Variants in CLPB observed in about 807,000 individuals in gnomAD.
The protein encoded by CLPB is ClpB family mitochondrial disaggregase.
Under a neutral mutation model 78.4 loss-of-function variants are expected in CLPB, and 40 were observed. That is an observed-to-expected ratio of 0.51 (90% CI 0.40 to 0.66). The LOEUF (loss-of-function observed/expected upper bound fraction) is 0.66. Among genes scored for constraint, CLPB ranks in the 30% least tolerant of loss-of-function variants. The pLI, the probability that CLPB is intolerant of heterozygous loss-of-function variation, is 0.00. For missense variants in CLPB, 780 were observed against 886.9 expected (o/e 0.88, Z 1.53); for synonymous variants, 333 against 348.0 (o/e 0.96, Z 0.48).
chr11:72,427,379 A>G (rs1159354032), intron 2 of CLPB, among the ~76,000 whole-genome samples: 1 of 152,194 alleles, frequency 6.6e-6, no homozygotes, highest in Admixed American at 6.5e-5. Flanking sequence ...AAATACTGAT[A>G]TTATTGACCA....
intron 7 of CLPB, among the ~76,000 whole-genome samples, chr11:72,315,197 A>G (rs537645950): frequency 8.5e-5 from 13 of 152,260 alleles, no homozygotes; most frequent in African/African-American, 3.1e-4. Flanking sequence ...AGACCAGTGA[A>G]TGTGGTCTCT....
chr11:72,301,766 G>C (rs1179084330), intron 11 of CLPB, 37 bp downstream of exon 11: 3 of 1,599,006 alleles, frequency 1.9e-6, no homozygotes, highest in Middle Eastern at 3.7e-4. Flanking sequence ...TTATCTCCAG[G>C]TGTCCCCCCG....
At chr11:72,347,989 G>T (rs996617051) in intron 5 of CLPB, among the ~76,000 whole-genome samples, 2 of 152,238 alleles carry the variant, frequency 1.3e-5, no homozygotes, top group Non-Finnish European at 2.9e-5. Context: ...GGGAAAGACA[G>T]GAAAGATTCT....
At chr11:72,365,776 T>G (rs1228789538) in intron 4 of CLPB, among the ~76,000 whole-genome samples, 3 of 152,126 alleles carry the variant, frequency 2.0e-5, no homozygotes, top group Non-Finnish European at 4.4e-5. Flanking sequence ...CAACTGATCT[T>G]CAACAAGGTC....
chr11:72,338,453 C>T (rs879895955), intron 5 of CLPB, among the ~76,000 whole-genome samples: 3 of 152,188 alleles, frequency 2.0e-5, no homozygotes, highest in African/African-American at 7.2e-5. Context: ...CTCTTTCCAC[C>T]TACACTGTCT....
intron 5 of CLPB, among the ~76,000 whole-genome samples, chr11:72,341,544 G>T (rs1035754371): frequency 6.6e-6 from 1 of 152,248 alleles, no homozygotes; most frequent in Non-Finnish European, 1.5e-5. Flanking sequence ...GATCTTGAAG[G>T]CTAAGTAGGA....
intron 4 of CLPB, chr11:72,359,212 T>C (rs1201933880): frequency 2.8e-6 from 2 of 723,052 alleles, no homozygotes; most frequent in Non-Finnish European, 4.9e-6. Flanking sequence ...TTTACTGACA[T>C]CTGTTATGTG....
At chr11:72,317,034 C>T in intron 7 of CLPB, 72 bp downstream of exon 7, 2 of 969,364 alleles carry the variant, frequency 2.1e-6, no homozygotes, top group Non-Finnish European at 3.1e-6. Flanking sequence ...CAGCGCCTAT[C>T]CAGTTTGGTG....
intron 2 of CLPB, among the ~76,000 whole-genome samples, chr11:72,414,745 G>C (rs1855972213): frequency 6.6e-6 from 1 of 152,210 alleles, no homozygotes; most frequent in Non-Finnish European, 1.5e-5. Flanking sequence ...GGTGCTCAGA[G>C]ATGTTTACAC....
chr11:72,364,362 C>A (rs546315215), intron 4 of CLPB, among the ~76,000 whole-genome samples: 2 of 152,018 alleles, frequency 1.3e-5, no homozygotes, highest in African/African-American at 4.8e-5. Flanking sequence ...CACGCGCCAC[C>A]ATGCCCAGCT....
chr11:72,429,910 GCT>G (rs1282475394), intron 2 of CLPB, among the ~76,000 whole-genome samples: 1 of 152,244 alleles, frequency 6.6e-6, no homozygotes, highest in African/African-American at 2.4e-5. Flanking sequence ...GTCTCTTCCA[GCT>G]CTGTCCCAAA....
chr11:72,297,700 T>TGTGA (rs1555085591), intron 11 of CLPB, among the ~76,000 whole-genome samples: 23 of 121,966 alleles, frequency 1.9e-4, no homozygotes, highest in South Asian at 2.6e-4. Flanking sequence ...TGTGTGTGTG[T>TGTGA]GTGACATGTC....
At chr11:72,297,701 GT>G (rs1268916088) in intron 11 of CLPB, among the ~76,000 whole-genome samples, 2 of 126,810 alleles carry the variant, frequency 1.6e-5, no homozygotes, top group Non-Finnish European at 3.2e-5. Flanking sequence ...GTGTGTGTGT[GT>G]GACATGTCCA....
At chr11:72,392,237 G>C (rs1270200559) in intron 3 of CLPB, among the ~76,000 whole-genome samples, 2 of 152,046 alleles carry the variant, frequency 1.3e-5, no homozygotes, top group East Asian at 3.9e-4. Context: ...TGTGATGAGT[G>C]TCACGGGTCC....
intron 5 of CLPB, among the ~76,000 whole-genome samples, chr11:72,339,947 A>G (rs953981775): frequency 3.3e-5 from 5 of 152,206 alleles, no homozygotes; most frequent in Non-Finnish European, 7.3e-5. Context: ...GTGAAACAGA[A>G]TTTGTGCATT....
chr11:72,295,543 G>A lies in CLPB; in HGVS notation c.1435C>T (p.Leu479=). 6.2e-7 allele frequency: 1 copy of A among 1,614,194 alleles called. No individual in the cohort carries two copies. The highest frequency in any genetic ancestry group is 8.5e-7 in the Non-Finnish European group (1 of 1,180,038). ...CTCATCTCCAAAGCTTCCTGCCTCA[G>A]CTGCAGCGCGTGCTGTGCGATCTCG... ...SDEIAQHALQ[L]RQEALEMSRN... The change falls in exon 12 of 16, where the codon CTG becomes TTG. Residue 479 remains leucine (L), a synonymous_variant. Coordinates refer to ENST00000538039, the MANE Select transcript of CLPB (RefSeq NM_001258392.3).
At chr11:72,311,917 A>G (rs780946289) in intron 7 of CLPB, among the ~76,000 whole-genome samples, 1 of 152,120 alleles carries the variant, frequency 6.6e-6, no homozygotes, top group Non-Finnish European at 1.5e-5. Flanking sequence ...GCTTGTCACT[A>G]CTGGACCATC....
chr11:72,358,701 G>C (rs966525322), intron 5 of CLPB, among the ~76,000 whole-genome samples, 179 bp downstream of exon 5: 1 of 152,120 alleles, frequency 6.6e-6, no homozygotes, highest in African/African-American at 2.4e-5. Flanking sequence ...AGCTGCTCTC[G>C]AGGCATCTCT....
intron 6 of CLPB, among the ~76,000 whole-genome samples, chr11:72,319,361 G>A (rs1950004770): frequency 6.6e-6 from 1 of 152,206 alleles, no homozygotes; most frequent in African/African-American, 2.4e-5. Context: ...GCGTCAATTT[G>A]TGTTACTAAC....
Sources: gnomAD v4.1 joint callset for allele counts (sites outside exome capture counted in the v4.1 genomes callset) on GRCh38, gnomAD v4.1.1 for gene constraint, MANE v1.5 for transcripts, NCBI Gene and HGNC (gene_info 2026-07-23, HGNC 2026-07-21) for gene names.